The following KCNA2 variants were observed in gnomAD, a reference collection of about 807,000 sequenced individuals.
KCNA2 encodes the protein potassium channel, voltage gated shaker related subfamily A, member 2.
A neutral mutation model predicts 33.4 loss-of-function variants in KCNA2; 11 were observed. The ratio of observed to expected loss-of-function variants is 0.33; its 90% CI spans 0.21 to 0.55. The LOEUF is 0.55. KCNA2 is among the 20% of genes least tolerant of loss of function. The probability of loss-of-function intolerance (pLI) is 0.93; values close to 1 mark genes in which losing one functional copy is unlikely to be tolerated. For missense variants in KCNA2, 291 were observed against 621.6 expected (o/e 0.47, Z 5.66); for synonymous variants, 222 against 231.3 (o/e 0.96, Z 0.37).
At chr1:110,606,732 G>C (rs1649649538), upstream of KCNA2, 1 of 152,318 alleles carries the variant, frequency 6.6e-6, no homozygotes, top group Admixed American at 6.5e-5. Context: ...TGATCTCTGG[G>C]GGTGGGGAGT....
Position 110,602,880 on chromosome 1 carries a change from C to T in KCNA2, c.*403G>A, listed in dbSNP as rs1425724765. Reference sequence around the variant, plus strand: ...TTAAAGCTAAGCCATGATTGTGTTCCTCTGTGAAAGGGCAGGTGGGCTCAA... The same window carrying T: ...TTAAAGCTAAGCCATGATTGTGTTCTTCTGTGAAAGGGCAGGTGGGCTCAA... On this transcript the variant is annotated 3_prime_UTR_variant, in exon 3 of 3. Coordinates refer to ENST00000316361, the MANE Select transcript of KCNA2 (RefSeq NM_004974.4). 2.0e-6 allele frequency: 2 copies of T among 1,020,686 alleles called. No homozygotes were observed. Among genetic ancestry groups the T allele is most frequent in the Non-Finnish European group, 2.3e-6 (2 of 853,550 alleles). 63.2% of individuals were successfully genotyped at this position (1,020,686 alleles called of 1,614,324 possible). A position where few individuals can be genotyped will look rare whatever the true frequency, so the allele number is the denominator to read the frequency against.
At chr1:110,623,670 C>T (rs1650315964) in intron 1 of KCNA2, among the ~76,000 whole-genome samples, 1 of 152,214 alleles carries the variant, frequency 6.6e-6, no homozygotes, top group South Asian at 2.1e-4. Context: ...CCTGGGATTA[C>T]AGGCATGAGC....
intron 1 of KCNA2, among the ~76,000 whole-genome samples, chr1:110,627,572 G>T (rs1219846739): frequency 6.6e-6 from 1 of 152,048 alleles, no homozygotes; most frequent in Non-Finnish European, 1.5e-5. Context: ...CTAGCTCCTG[G>T]GTTTCTCTCT....
rs979486707 is a variant in KCNA2 at position 110,598,211 on chromosome 1, C to T, written c.*5072G>A. 11 of 521,046 alleles carry T rather than the reference C, an allele frequency of 2.1e-5. No individual in the cohort carries two copies. The highest frequency in any genetic ancestry group is 6.4e-5 in the Admixed American group (1 of 15,700). 32.3% of individuals were successfully genotyped at this position (521,046 alleles called of 1,614,324 possible). On this transcript the variant is annotated 3_prime_UTR_variant, in exon 3 of 3. Transcript: ENST00000316361. Reference sequence around the variant, plus strand: ...GATATTATAGCCCTCGCAGATGAGGCGGCCATCACCCACATACAAGTTATT... The same window carrying T: ...GATATTATAGCCCTCGCAGATGAGGTGGCCATCACCCACATACAAGTTATT...
At chr1:110,622,270 A>G (rs1287220357) in intron 1 of KCNA2, among the ~76,000 whole-genome samples, 1 of 152,154 alleles carries the variant, frequency 6.6e-6, no homozygotes, top group Non-Finnish European at 1.5e-5. Flanking sequence ...ATAGACAGAG[A>G]AAAATGTTTG....
chr1:110,630,136 C>T (rs758568529), intron 1 of KCNA2, among the ~76,000 whole-genome samples: 8 of 151,730 alleles, frequency 5.3e-5, no homozygotes, highest in Non-Finnish European at 1.2e-4. Flanking sequence ...CTGCCTCAGC[C>T]TCCCAAGTAG....
intron 1 of KCNA2, among the ~76,000 whole-genome samples, chr1:110,615,356 G>A (rs1350062203): frequency 6.6e-6 from 1 of 152,250 alleles, no homozygotes; most frequent in Non-Finnish European, 1.5e-5. Context: ...AGGCAGTGGG[G>A]CTTGCCCTGG....
At position 110,594,329 on chromosome 1, in the gene KCNA2, G is replaced by GTATATA; in HGVS notation, c.*8948_*8953dup. The GTATATA allele has an allele frequency of 1.1e-6, 1 of 878,504 alleles. No homozygotes were observed. Among genetic ancestry groups the GTATATA allele is most frequent in the Non-Finnish European group, 1.3e-6 (1 of 743,414 alleles). The allele number at this position is 878,504 out of a possible 1,614,324, so 54.4% of individuals were successfully genotyped here. A position where few individuals can be genotyped will look rare whatever the true frequency, so the allele number is the denominator to read the frequency against. On this transcript the variant is annotated 3_prime_UTR_variant, in exon 3 of 3. Transcript: ENST00000316361. ...TATACATATATATATATATGTGTGT[G>GTATATA]TATATATATATACACACACATCACA...
intron 1 of KCNA2, among the ~76,000 whole-genome samples, chr1:110,616,609 T>A (rs1650074966): frequency 6.6e-6 from 1 of 152,228 alleles, no homozygotes. Context: ...CTCTCCAGGC[T>A]ATGTGAGAAG....
intron 1 of KCNA2, among the ~76,000 whole-genome samples, chr1:110,630,506 A>C (rs1650525155): frequency 6.6e-6 from 1 of 152,160 alleles, no homozygotes; most frequent in Non-Finnish European, 1.5e-5. Flanking sequence ...TGCTCAGTAA[A>C]TATTTACCAA....
upstream of KCNA2, chr1:110,608,006 C>T (rs1423501769): frequency 6.5e-6 from 1 of 152,676 alleles, no homozygotes; most frequent in South Asian, 2.1e-4. Context: ...AGGGCTGGCC[C>T]TCTCCACTCC....
chr1:110,598,991 A>G lies in KCNA2; in HGVS notation c.*4292T>C. On this transcript the variant is annotated 3_prime_UTR_variant, in exon 3 of 3. Transcript: ENST00000316361. ...TCCACAGAGGCACTTGATGAAGCCA[A>G]CAGGAATGGTACCTTGACCTGGAAA... is the stretch of plus-strand genomic sequence containing the variant. The G allele has an allele frequency of 1.0e-6, 1 of 985,442 alleles. No individual in the cohort carries two copies. The highest frequency in any genetic ancestry group is 1.2e-6 in the Non-Finnish European group (1 of 829,944). 61.0% of individuals were successfully genotyped at this position (985,442 alleles called of 1,614,324 possible).
chr1:110,609,222 C>T (rs115135642), upstream of KCNA2, among the ~76,000 whole-genome samples: 1,428 of 152,314 alleles, frequency 9.4e-3, 18 homozygotes, highest in African/African-American at 0.031. Context: ...AAGTCAGATA[C>T]TCTATCCATC....
chr1:110,596,627 C>T lies in KCNA2; in HGVS notation c.*6656G>A. On this transcript the variant is annotated 3_prime_UTR_variant, in exon 3 of 3. Coordinates refer to ENST00000316361, the MANE Select transcript of KCNA2 (RefSeq NM_004974.4). Reference sequence around the variant, plus strand: ...TTTACAATGTTGACCCTGAGCAAGGCAAGGTCCCTGTTATCTTCAAACACT... The same window carrying T: ...TTTACAATGTTGACCCTGAGCAAGGTAAGGTCCCTGTTATCTTCAAACACT... 1 of 569,796 alleles carries T rather than the reference C, an allele frequency of 1.8e-6. No homozygotes were observed. The highest frequency in any genetic ancestry group is 2.2e-6 in the Non-Finnish European group (1 of 450,416). 35.3% of individuals were successfully genotyped at this position (569,796 alleles called of 1,614,324 possible).
upstream of KCNA2, among the ~76,000 whole-genome samples, chr1:110,608,907 G>C (rs534124568): frequency 6.6e-6 from 1 of 152,224 alleles, no homozygotes; most frequent in South Asian, 2.1e-4. Context: ...TGATGATTTC[G>C]CTGCTCTGCT....
intron 1 of KCNA2, among the ~76,000 whole-genome samples, chr1:110,619,161 C>A (rs1307584366): frequency 2.0e-5 from 3 of 152,290 alleles, no homozygotes; most frequent in Non-Finnish European, 4.4e-5. Flanking sequence ...AAGAATGCAT[C>A]CCTGTGGCCT....
chr1:110,616,109 G>A (rs1370581761), intron 1 of KCNA2, among the ~76,000 whole-genome samples: 1 of 152,360 alleles, frequency 6.6e-6, no homozygotes, highest in African/African-American at 2.4e-5. Context: ...CATGCTTTAA[G>A]GGTTCTGCAT....
intron 1 of KCNA2, among the ~76,000 whole-genome samples, chr1:110,621,445 C>T (rs1423504890): frequency 6.6e-6 from 1 of 151,506 alleles, no homozygotes; most frequent in African/African-American, 2.4e-5. Context: ...ACTTAAGAAA[C>T]TAGAAAAAGG....
intron 1 of KCNA2, among the ~76,000 whole-genome samples, chr1:110,626,468 C>T (rs780465969): frequency 2.0e-5 from 3 of 151,796 alleles, no homozygotes; most frequent in Non-Finnish European, 4.4e-5. Context: ...AAATGAATCT[C>T]GGTGGTTATC....
Sources: gnomAD v4.1 joint callset for allele counts (sites outside exome capture counted in the v4.1 genomes callset) on GRCh38, gnomAD v4.1.1 for gene constraint, MANE v1.5 for transcripts, NCBI Gene and HGNC (gene_info 2026-07-23, HGNC 2026-07-21) for gene names.